The following UBE2W variants were observed in gnomAD, a reference collection of about 807,000 sequenced individuals.
UBE2W encodes ubiquitin-conjugating enzyme E2 W.
UBE2W carries 18 observed loss-of-function variants against 27.2 expected under a neutral mutation model. The ratio of observed to expected loss-of-function variants is 0.66; its 90% CI spans 0.46 to 0.98. The LOEUF (loss-of-function observed/expected upper bound fraction) is 0.98. Ranked by LOEUF, UBE2W falls within the 50% of genes least tolerant of loss-of-function variation. UBE2W has a pLI of 0.00. For synonymous variants in UBE2W, 53 were observed against 57.2 expected (o/e 0.93, Z 0.33); for missense variants, 90 against 180.2 (o/e 0.50, Z 2.87).
At chr8:73,819,860 G>T (rs1435969905) in intron 3 of UBE2W, among the ~76,000 whole-genome samples, 1 of 152,112 alleles carries the variant, frequency 6.6e-6, no homozygotes, top group Non-Finnish European at 1.5e-5. Flanking sequence ...CTCATTTACA[G>T]GTACAAAAGC....
chr8:73,796,874 C>G (rs1808443713), intron 5 of UBE2W, among the ~76,000 whole-genome samples: 1 of 133,976 alleles, frequency 7.5e-6, no homozygotes, highest in African/African-American at 2.8e-5. Context: ...ACAAACTCAC[C>G]CCCCAACCAA....
Position 73,793,392 on chromosome 8 carries a change from C to A in UBE2W, c.*710G>T. On this transcript the variant is annotated 3_prime_UTR_variant, in exon 6 of 6. Transcript: ENST00000602593. ...ACTTCAGAGATTGAGGAACTATATA[C>A]AACAAATTAATTTATTTTCACCATA... 1 of 985,808 alleles carries A rather than the reference C, an allele frequency of 1.0e-6. No individual in the cohort carries two copies. The highest frequency in any genetic ancestry group is 1.2e-6 in the Non-Finnish European group (1 of 829,894). 61.1% of individuals were successfully genotyped at this position (985,808 alleles called of 1,614,324 possible). A position where few individuals can be genotyped will look rare whatever the true frequency, so the allele number is the denominator to read the frequency against.
At chr8:73,846,724 C>T (rs1317277406) in intron 1 of UBE2W, among the ~76,000 whole-genome samples, 1 of 152,120 alleles carries the variant, frequency 6.6e-6, no homozygotes. Flanking sequence ...AACGAAATTA[C>T]AAGGCATTCA....
At chr8:73,858,973 T>A (rs1811423636) in intron 1 of UBE2W, among the ~76,000 whole-genome samples, 1 of 102,172 alleles carries the variant, frequency 9.8e-6, no homozygotes, top group African/African-American at 3.5e-5. Context: ...GCACAGGGGG[T>A]TTTTGCGTGT....
At chr8:73,797,167 G>A (rs1808455427) in intron 5 of UBE2W, among the ~76,000 whole-genome samples, 1 of 152,140 alleles carries the variant, frequency 6.6e-6, no homozygotes, top group Admixed American at 6.5e-5. Context: ...TCTGAGAAAT[G>A]TAAATGAGAA....
At chr8:73,838,749 T>C (rs1355263488) in intron 1 of UBE2W, among the ~76,000 whole-genome samples, 2 of 152,218 alleles carry the variant, frequency 1.3e-5, no homozygotes, top group Non-Finnish European at 2.9e-5. Context: ...ATATACCCAC[T>C]TCTCCCTATT....
intron 1 of UBE2W, among the ~76,000 whole-genome samples, chr8:73,872,109 A>G (rs546527277): frequency 2.6e-4 from 39 of 152,290 alleles, no homozygotes; most frequent in Admixed American, 2.3e-3. Flanking sequence ...CTCCTTGATA[A>G]TGAAGATTAT....
intron 2 of UBE2W, among the ~76,000 whole-genome samples, chr8:73,828,639 T>A (rs961385989): frequency 1.3e-5 from 2 of 152,168 alleles, no homozygotes; most frequent in Admixed American, 1.3e-4. Context: ...AAAAAAATTG[T>A]TTTTGTGGGT....
At chr8:73,812,579 T>C (rs1045313247) in intron 3 of UBE2W, among the ~76,000 whole-genome samples, 2 of 152,240 alleles carry the variant, frequency 1.3e-5, no homozygotes, top group South Asian at 2.1e-4. Context: ...ATGTACAGAA[T>C]GGGAGTTTAC....
intron 1 of UBE2W, among the ~76,000 whole-genome samples, chr8:73,876,341 A>G (rs955011015): frequency 6.6e-6 from 1 of 152,214 alleles, no homozygotes; most frequent in African/African-American, 2.4e-5. Context: ...TAAATTCTGT[A>G]TAACAAAGAT....
chr8:73,842,555 A>C (rs1810585136), intron 1 of UBE2W, among the ~76,000 whole-genome samples: 1 of 149,882 alleles, frequency 6.7e-6, no homozygotes, highest in African/African-American at 2.4e-5. Flanking sequence ...AAAAAAAAAA[A>C]AAAATGACGT....
At chr8:73,863,578 T>TAAA (rs1230294140) in intron 1 of UBE2W, among the ~76,000 whole-genome samples, 5 of 104,086 alleles carry the variant, frequency 4.8e-5, no homozygotes, top group African/African-American at 1.2e-4. Context: ...TAAAGTATAA[T>TAAA]AAAAAAAAAA....
chr8:73,870,758 A>G (rs946100328), intron 1 of UBE2W, among the ~76,000 whole-genome samples: 3 of 147,748 alleles, frequency 2.0e-5, no homozygotes, highest in Non-Finnish European at 4.5e-5. Context: ...TGGGAGAGCT[A>G]TTTTATATTG....
At chr8:73,860,149 G>A (rs992137145) in intron 1 of UBE2W, among the ~76,000 whole-genome samples, 2 of 151,314 alleles carry the variant, frequency 1.3e-5, no homozygotes, top group South Asian at 2.1e-4. Flanking sequence ...GGCAGGGGGC[G>A]GGGGAAGAAA....
In UBE2W at chr8:73,871,099, G is replaced by A. The variant is rs374514093; in HGVS notation, c.15+7709C>T. Among the ~76,000 whole-genome samples the A allele has an allele frequency of 4.6e-5, 7 of 152,304 alleles. No individual in the cohort carries two copies. The East Asian group carries it at 7.7e-4, about 17-fold the overall frequency. On this transcript the variant is annotated intron_variant, in intron 1 of 5. Transcript: ENST00000602593. ...TGGGAATCTAAAGAGATAAGTAAACGGATGAGGGCAGAAGTAGGAAAACCA... is the reference window on the plus strand; with the variant it reads ...TGGGAATCTAAAGAGATAAGTAAACAGATGAGGGCAGAAGTAGGAAAACCA...
At chr8:73,866,773 G>C (rs1349727043) in intron 1 of UBE2W, among the ~76,000 whole-genome samples, 2 of 152,062 alleles carry the variant, frequency 1.3e-5, no homozygotes, top group African/African-American at 4.8e-5. Context: ...AAATTGGCTG[G>C]GCGCGGTGGC....
intron 3 of UBE2W, among the ~76,000 whole-genome samples, chr8:73,822,399 A>G (rs59131600): frequency 0.034 from 5,129 of 152,056 alleles, 257 homozygotes; most frequent in African/African-American, 0.11. Context: ...GACCAATCAG[A>G]TAGTAAAGAG....
intron 5 of UBE2W, among the ~76,000 whole-genome samples, chr8:73,797,334 G>C (rs1227872729): frequency 6.6e-6 from 1 of 152,178 alleles, no homozygotes; most frequent in Non-Finnish European, 1.5e-5. Flanking sequence ...TGGATATGAA[G>C]TGGATGCTAC....
At chr8:73,822,645 G>A (rs953871157) in intron 3 of UBE2W, among the ~76,000 whole-genome samples, 4 of 142,584 alleles carry the variant, frequency 2.8e-5, no homozygotes, top group African/African-American at 1.0e-4. Flanking sequence ...TTAGCTGGGT[G>A]TGGTGGCATG....
Sources: gnomAD v4.1 joint callset for allele counts (sites outside exome capture counted in the v4.1 genomes callset) on GRCh38, gnomAD v4.1.1 for gene constraint, MANE v1.5 for transcripts, NCBI Gene and HGNC (gene_info 2026-07-23, HGNC 2026-07-21) for gene names.